Variants in RANBP17 observed in about 807,000 individuals in gnomAD.
RANBP17 encodes RAN binding protein 17.
Under a neutral mutation model 141.2 loss-of-function variants are expected in RANBP17, and 158 were observed. The observed-to-expected ratio is 1.12, with a 90% CI of 0.98 to 1.28. The LOEUF (loss-of-function observed/expected upper bound fraction) is 1.28. RANBP17 is among the 50% of genes most tolerant of loss of function. The pLI, the probability that RANBP17 is intolerant of heterozygous loss-of-function variation, is 0.00. For synonymous variants in RANBP17, 430 were observed against 450.0 expected (o/e 0.96, Z 0.56); for missense variants, 1,438 against 1,290.7 (o/e 1.11, Z -1.75).
intron 14 of RANBP17, among the ~76,000 whole-genome samples, chr5:171,097,881 G>A (rs533449507): frequency 4.0e-5 from 6 of 151,776 alleles, no homozygotes; most frequent in Non-Finnish European, 8.8e-5. Context: ...GTGAGAACAT[G>A]TGGTGTTTGG....
chr5:170,905,058 G>C (rs1770967249), intron 5 of RANBP17, among the ~76,000 whole-genome samples: 1 of 151,876 alleles, frequency 6.6e-6, no homozygotes. Context: ...CAAACCAATT[G>C]ATTTTATAAT....
rs529563895 is a variant in RANBP17, at chr5:170,886,958, C to T, written c.256+5062C>T. Among the ~76,000 whole-genome samples the T allele has an allele frequency of 2.2e-4, 34 of 152,004 alleles. 1 individual carries two copies. Among genetic ancestry groups the T allele is most frequent in the African/African-American group, 7.5e-4 (31 of 41,462 alleles). ...GATTATAGGTGTGAGCCACCATGCC[C>T]GGCTATGTCCGAGTTTTTAAAAATT... is the stretch of plus-strand genomic sequence containing the variant. On this transcript the variant is annotated intron_variant, in intron 3 of 27. Transcript: ENST00000523189.
chr5:171,296,609 T>C (rs1454607909), intron 27 of RANBP17, among the ~76,000 whole-genome samples: 1 of 152,232 alleles, frequency 6.6e-6, no homozygotes, highest in East Asian at 1.9e-4. Context: ...AAAAATATTA[T>C]GTATCAATTA....
At chr5:171,230,162 G>A (rs1581075943) in intron 22 of RANBP17, among the ~76,000 whole-genome samples, 1 of 152,292 alleles carries the variant, frequency 6.6e-6, no homozygotes, top group South Asian at 2.1e-4. Flanking sequence ...ATGATGTGTT[G>A]TGCTATGTGT....
chr5:171,209,940 A>AGATG (rs1762776587), intron 20 of RANBP17, among the ~76,000 whole-genome samples: 2 of 152,134 alleles, frequency 1.3e-5, no homozygotes, highest in African/African-American at 2.4e-5. Context: ...ACTGATGAAT[A>AGATG]GATGGACGGA....
At chr5:171,292,821 A>G (rs191304382) in intron 25 of RANBP17, among the ~76,000 whole-genome samples, 2 of 152,294 alleles carry the variant, frequency 1.3e-5, no homozygotes, top group East Asian at 3.9e-4. Context: ...TACACATTCT[A>G]CATGTCCCCA....
intron 14 of RANBP17, among the ~76,000 whole-genome samples, chr5:171,044,993 G>A (rs1020929057): frequency 1.1e-4 from 16 of 151,962 alleles, no homozygotes; most frequent in Admixed American, 6.6e-5. Context: ...ATAAATGCTT[G>A]TAAAGTGAAT....
At chr5:171,215,035 C>G (rs1763133105) in intron 21 of RANBP17, among the ~76,000 whole-genome samples, 1 of 152,074 alleles carries the variant, frequency 6.6e-6, no homozygotes, top group Non-Finnish European at 1.5e-5. Context: ...GGTATTTGTC[C>G]TAATGCTTTC....
rs769736993 is a variant in RANBP17 at position 170,878,243 on chromosome 5, A to G, written c.165A>G (p.Thr55=). 20 of 1,604,256 alleles carry G rather than the reference A, an allele frequency of 1.2e-5. No homozygotes were observed. The South Asian group carries it at 2.3e-4, about 18-fold the overall frequency. Residue 55 remains threonine (T), a splice_region_variant and synonymous_variant, in exon 2 of 28, where the codon ACA becomes ACG. Coordinates refer to ENST00000523189, the MANE Select transcript of RANBP17 (RefSeq NM_022897.5). The part of the protein sequence containing the change: ...SKCQLLLEQG[T]TSYAQLLAAT... ...GTCAACTTTTATTAGAACAAGGAAC[A>G]GTAAGTATTTGGTAACAATGATTAA... is the stretch of plus-strand genomic sequence containing the variant.
intron 14 of RANBP17, among the ~76,000 whole-genome samples, chr5:171,045,558 A>G (rs1782528727): frequency 6.6e-6 from 1 of 152,186 alleles, no homozygotes; most frequent in Non-Finnish European, 1.5e-5. Flanking sequence ...TACTTAACAG[A>G]CTAATTGTCT....
At chr5:171,262,036 A>G (rs973882099) in intron 24 of RANBP17, among the ~76,000 whole-genome samples, 1 of 152,192 alleles carries the variant, frequency 6.6e-6, no homozygotes, top group African/African-American at 2.4e-5. Context: ...ATATGCTCCA[A>G]TCTTCGTGGC....
rs1771714239 is a variant in RANBP17, at chr5:170,913,661, A to G, written c.761-506A>G. 5.3e-5 allele frequency among the ~76,000 whole-genome samples: 8 copies of G among 152,170 alleles called. No individual in the cohort carries two copies. The South Asian group carries it at 1.7e-3, about 32-fold the overall frequency. The stretch of plus-strand genomic sequence containing the variant: ...GTGGTAGGGGTGGTAGGGTTGTGGC[A>G]TTCGTGATTAGACAGCTAAAGCGTT... On this transcript the variant is annotated intron_variant, in intron 7 of 27. Transcript: ENST00000523189.
At chr5:171,073,101 G>A (rs1170821626) in intron 14 of RANBP17, among the ~76,000 whole-genome samples, 1 of 152,150 alleles carries the variant, frequency 6.6e-6, no homozygotes, top group East Asian at 1.9e-4. Context: ...GTTGTTCTGT[G>A]TGGTAATGGG....
intron 14 of RANBP17, among the ~76,000 whole-genome samples, chr5:171,064,006 C>T (rs556961376): frequency 3.3e-4 from 51 of 152,360 alleles, no homozygotes; most frequent in African/African-American, 1.2e-3. Flanking sequence ...GTTTGTTAAG[C>T]CCATCGGAAA....
intron 3 of RANBP17, among the ~76,000 whole-genome samples, chr5:170,891,791 C>T (rs1247977267): frequency 6.6e-6 from 1 of 152,188 alleles, no homozygotes; most frequent in African/African-American, 2.4e-5. Flanking sequence ...GTCCCTCCTC[C>T]AACATTGGGG....
At chr5:171,250,561 A>C (rs1352028662) in intron 24 of RANBP17, among the ~76,000 whole-genome samples, 2 of 152,246 alleles carry the variant, frequency 1.3e-5, no homozygotes, top group Non-Finnish European at 2.9e-5. Context: ...GATTTAAAAA[A>C]AAAATTTGAT....
At chr5:171,273,696 GTATACAAT>G (rs1767278742) in intron 25 of RANBP17, among the ~76,000 whole-genome samples, 1 of 152,192 alleles carries the variant, frequency 6.6e-6, no homozygotes, top group South Asian at 2.1e-4. Context: ...CACTTCTGTA[GTATACAAT>G]CTTAAGGAAT....
chr5:171,224,667 A>G (rs2127984505), intron 22 of RANBP17, among the ~76,000 whole-genome samples: 1 of 152,338 alleles, frequency 6.6e-6, no homozygotes, highest in South Asian at 2.1e-4. Context: ...ATGAAGGGAT[A>G]GGAGAAGTGA....
At chr5:171,099,759 T>C (rs533308477) in intron 14 of RANBP17, among the ~76,000 whole-genome samples, 1 of 152,342 alleles carries the variant, frequency 6.6e-6, no homozygotes, top group South Asian at 2.1e-4. Flanking sequence ...TAGCTCTTAC[T>C]ATTTTGAGAT....
Sources: gnomAD v4.1 joint callset for allele counts (sites outside exome capture counted in the v4.1 genomes callset) on GRCh38, gnomAD v4.1.1 for gene constraint, MANE v1.5 for transcripts, NCBI Gene and HGNC (gene_info 2026-07-23, HGNC 2026-07-21) for gene names.